CFAP161: variants seen among roughly 807,000 people sequenced by gnomAD.
The protein encoded by CFAP161 is cilia- and flagella-associated protein 161.
Under a neutral mutation model 29.0 loss-of-function variants are expected in CFAP161, and 25 were observed. That is an observed-to-expected ratio of 0.86 (90% CI 0.63 to 1.20). The LOEUF (loss-of-function observed/expected upper bound fraction) is 1.20, where lower values mean the gene tolerates loss of function less well. Among genes scored for constraint, CFAP161 ranks in the 50% most tolerant of loss-of-function variants. The probability of loss-of-function intolerance (pLI) is 0.00; values close to 1 mark genes in which losing one functional copy is unlikely to be tolerated. For synonymous variants in CFAP161, 116 were observed against 137.4 expected (o/e 0.84, Z 1.09); for missense variants, 367 against 371.9 (o/e 0.99, Z 0.11).
At chr15:81,128,309 T>C (rs2663911) in intron 2 of CFAP161, among the ~76,000 whole-genome samples, 87,036 of 152,070 alleles carry the variant, frequency 0.57, 26,163 homozygotes, top group Non-Finnish European at 0.68. Context: ...GAACTTCTTC[T>C]GAAATTGGAG....
intron 1 of CFAP161, among the ~76,000 whole-genome samples, chr15:81,105,151 C>T (rs1274393264): frequency 2.6e-4 from 6 of 23,144 alleles, no homozygotes; most frequent in Non-Finnish European, 5.9e-4. Flanking sequence ...CTCCCTCCCT[C>T]CCTCCCTCCC....
At chr15:81,099,718 G>A (rs1295254348) in intron 1 of CFAP161, among the ~76,000 whole-genome samples, 2 of 152,144 alleles carry the variant, frequency 1.3e-5, no homozygotes, top group South Asian at 4.1e-4. Flanking sequence ...CAACAGGAAG[G>A]AAGTCCCATC....
chr15:81,148,467 T>G lies in CFAP161; in HGVS notation c.840T>G (p.Asp280Glu), dbSNP rs529736140. ...NPRDASSSML[D>E]LPKPPTEDTR... ...GGGATGCCTCGTCCTCCATGTTGGATCTGCCCAAACCACCCACAGAGGACA... is the reference window on the plus strand; with the variant it reads ...GGGATGCCTCGTCCTCCATGTTGGAGCTGCCCAAACCACCCACAGAGGACA... The change falls in exon 7 of 7, where the codon GAT becomes GAG. Residue 280 changes from aspartate (D) to glutamate (E), a missense_variant. Physicochemically the swap from Asp to Glu is conservative, Grantham distance 45. Transcript: ENST00000286732. The G allele has an allele frequency of 1.2e-6, 2 of 1,614,192 alleles. No individual in the cohort carries two copies. The highest frequency in any genetic ancestry group is 2.2e-5 in the South Asian group (2 of 91,084).
upstream of CFAP161, among the ~76,000 whole-genome samples, chr15:81,130,754 G>T (rs183233592): frequency 3.2e-3 from 493 of 152,142 alleles, 3 homozygotes; most frequent in Admixed American, 6.8e-3. Context: ...CCTTTCACTT[G>T]AACACTTGAA....
At chr15:81,142,298 TTTATTA>T (rs1351634815) in intron 4 of CFAP161, among the ~76,000 whole-genome samples, 4 of 151,784 alleles carry the variant, frequency 2.6e-5, no homozygotes, top group African/African-American at 9.7e-5. Context: ...ATTTTTAAAA[TTTATTA>T]TTATTATTAT....
intron 1 of CFAP161, among the ~76,000 whole-genome samples, chr15:81,125,482 A>G (rs939274100): frequency 5.4e-4 from 82 of 152,330 alleles, no homozygotes; most frequent in African/African-American, 1.9e-3. Context: ...TCCTTAAAAC[A>G]TCTAGCAAAG....
chr15:81,137,953 C>A, intron 3 of CFAP161, 98 bp from the exon 4 acceptor site: 1 of 849,372 alleles, frequency 1.2e-6, no homozygotes, highest in Non-Finnish European at 1.9e-6. Flanking sequence ...TATCAAAAAA[C>A]TGATTATAAA....
chr15:81,142,003 C>T (rs1379884984), intron 4 of CFAP161, among the ~76,000 whole-genome samples: 1 of 152,076 alleles, frequency 6.6e-6, no homozygotes. Flanking sequence ...TTTTTAAATT[C>T]TGGTTTTCTT....
rs1283635616 is a variant in CFAP161 at position 81,137,901 on chromosome 15, TTATTTAATTACCTAATTC to T, written c.393-149_393-132del. ...TTTTAAGACCAAAAGAAAACACCTTTTATTTAATTACCTAATTCAGTTACAGTATGTGAATATAAATTA... is the reference window on the plus strand; with the variant it reads ...TTTTAAGACCAAAAGAAAACACCTTTAGTTACAGTATGTGAATATAAATTA... On this transcript the variant is annotated intron_variant, in intron 3 of 6. Coordinates refer to ENST00000286732, the MANE Select transcript of CFAP161 (RefSeq NM_173528.4). 3 of 602,676 alleles carry T rather than the reference TTATTTAATTACCTAATTC, an allele frequency of 5.0e-6. No homozygotes were observed. In the African/African-American group the frequency reaches 5.7e-5, roughly 11 times the overall value. The allele number at this position is 602,676 out of a possible 1,614,324, so 37.3% of individuals were successfully genotyped here. A position where few individuals can be genotyped will look rare whatever the true frequency, so the allele number is the denominator to read the frequency against.
upstream of CFAP161, among the ~76,000 whole-genome samples, chr15:81,132,092 C>A (rs1894719279): frequency 1.3e-5 from 2 of 152,126 alleles, no homozygotes; most frequent in Admixed American, 6.5e-5. Context: ...GCCTGGCCAA[C>A]CTGGTAAAAC....
rs577727449 is a variant in CFAP161 at position 81,124,073 on chromosome 15, A to G, written c.-141-3517A>G. Among the ~76,000 whole-genome samples the G allele has an allele frequency of 2.0e-5, 3 of 152,216 alleles. No homozygotes were observed. In the South Asian group the frequency reaches 6.2e-4, roughly 32 times the overall value. On this transcript the variant is annotated intron_variant, in intron 1 of 4. Transcript: ENST00000560091. ...TGCCCTGGCCAGAACTTCCAATACT[A>G]TGTTGAATAGCAGTGGTGAGAGAGG...
intron 4 of CFAP161, among the ~76,000 whole-genome samples, chr15:81,142,495 C>G (rs952487189): frequency 2.0e-5 from 3 of 152,082 alleles, no homozygotes; most frequent in Non-Finnish European, 4.4e-5. Flanking sequence ...CCAGCCTCCT[C>G]CTCAGAGCCT....
chr15:81,141,564 AC>A (rs1450240169), intron 4 of CFAP161, among the ~76,000 whole-genome samples: 1 of 151,964 alleles, frequency 6.6e-6, no homozygotes, highest in Non-Finnish European at 1.5e-5. Flanking sequence ...GAATTAGCAA[AC>A]CCTTCTGGGG....
At chr15:81,131,555 A>G (rs1423796555), upstream of CFAP161, among the ~76,000 whole-genome samples, 1 of 152,214 alleles carries the variant, frequency 6.6e-6, no homozygotes, top group Non-Finnish European at 1.5e-5. Context: ...AAAACTCACT[A>G]GCGGAATACA....
intron 1 of CFAP161, among the ~76,000 whole-genome samples, chr15:81,105,405 C>T (rs867209252): frequency 1.3e-4 from 19 of 145,790 alleles, no homozygotes; most frequent in Non-Finnish European, 1.5e-4. Context: ...TTCCTCCATT[C>T]TTCCCTCACT....
chr15:81,134,543 A>C, intron 1 of CFAP161, 145 bp downstream of exon 1: 1 of 825,542 alleles, frequency 1.2e-6, no homozygotes, highest in Non-Finnish European at 1.9e-6. Flanking sequence ...ACTTCTCTAA[A>C]CTCCCAAGGA....
At chr15:81,128,262 G>A (rs572646004) in intron 2 of CFAP161, among the ~76,000 whole-genome samples, 2 of 152,266 alleles carry the variant, frequency 1.3e-5, no homozygotes, top group East Asian at 3.9e-4. Flanking sequence ...TTTCTCTGTA[G>A]CATGTGATGA....
chr15:81,106,401 A>C (rs1595908170), intron 1 of CFAP161, among the ~76,000 whole-genome samples: 1 of 152,170 alleles, frequency 6.6e-6, no homozygotes, highest in Admixed American at 6.5e-5. Context: ...CGATCTCCTG[A>C]CCTCATGATC....
chr15:81,099,940 A>C (rs1894283323), intron 1 of CFAP161, among the ~76,000 whole-genome samples: 1 of 152,110 alleles, frequency 6.6e-6, no homozygotes, highest in South Asian at 2.1e-4. Context: ...ACAAGTAATT[A>C]GCTTCCGTCC....
Sources: allele counts gnomAD v4.1 joint callset (sites outside exome capture counted in the v4.1 genomes callset), GRCh38; gene constraint gnomAD v4.1.1; transcripts MANE v1.5; gene names NCBI Gene and HGNC (gene_info 2026-07-23, HGNC 2026-07-21).